RMDN3: variants seen among roughly 807,000 people sequenced by gnomAD.
RMDN3 encodes the protein regulator of microtubule dynamics protein 3.
RMDN3 carries 41 observed loss-of-function variants against 61.8 expected under a neutral mutation model. That is an observed-to-expected ratio of 0.66 (90% CI 0.52 to 0.86). The LOEUF (loss-of-function observed/expected upper bound fraction) is 0.86, where lower values mean the gene tolerates loss of function less well. Among genes scored for constraint, RMDN3 ranks in the 40% least tolerant of loss-of-function variants. The probability of loss-of-function intolerance (pLI) is 0.00; values close to 1 mark genes in which losing one functional copy is unlikely to be tolerated. For synonymous variants in RMDN3, 247 were observed against 232.0 expected (o/e 1.06, Z -0.59); for missense variants, 557 against 585.3 (o/e 0.95, Z 0.50).
At chr15:40,745,838 G>A (rs1479214930) in intron 4 of RMDN3, among the ~76,000 whole-genome samples, 1 of 152,168 alleles carries the variant, frequency 6.6e-6, no homozygotes, top group Non-Finnish European at 1.5e-5. Context: ...CAACATGGGT[G>A]GGTGCAGCCT....
Position 40,736,334 on chromosome 15 carries a change from G to A in RMDN3, c.*207C>T. On this transcript the variant is annotated 3_prime_UTR_variant, in exon 13 of 13. Coordinates refer to ENST00000338376, the MANE Select transcript of RMDN3 (RefSeq NM_018145.3). ...AGATTACTCAAGGGAGAGAACAACA[G>A]AAACGGAAGCCATGAGTACTGCCCC... 1.9e-6 allele frequency: 1 copy of A among 524,180 alleles called. No individual in the cohort carries two copies. Among genetic ancestry groups the A allele is most frequent in the Non-Finnish European group, 3.4e-6 (1 of 296,790 alleles). The allele number at this position is 524,180 out of a possible 1,614,324, so 32.5% of individuals were successfully genotyped here. A position where few individuals can be genotyped will look rare whatever the true frequency, so the allele number is the denominator to read the frequency against.
intron 4 of RMDN3, among the ~76,000 whole-genome samples, chr15:40,750,983 G>A (rs1037084107): frequency 6.6e-6 from 1 of 152,204 alleles, no homozygotes; most frequent in Non-Finnish European, 1.5e-5. Flanking sequence ...GGGCCACTGA[G>A]AACTCAGGAC....
At chr15:40,754,974 C>T in intron 1 of RMDN3, 109 bp downstream of exon 1, 2 of 571,562 alleles carry the variant, frequency 3.5e-6, no homozygotes, top group South Asian at 2.2e-5. Flanking sequence ...TTCCTCCAGC[C>T]TCCTGGGCCC....
intron 4 of RMDN3, among the ~76,000 whole-genome samples, chr15:40,745,527 C>T (rs1016305966): frequency 9.9e-5 from 15 of 151,594 alleles, no homozygotes; most frequent in Non-Finnish European, 2.2e-4. Flanking sequence ...ATTCTCCCAC[C>T]TAATTTTTTT....
At chr15:40,754,489 C>G (rs1487614592) in intron 2 of RMDN3, 108 bp downstream of exon 2, 6 of 1,181,312 alleles carry the variant, frequency 5.1e-6, no homozygotes, top group Admixed American at 3.0e-5. Flanking sequence ...AAGTGAAACC[C>G]TAAAGCACTT....
In RMDN3 at chr15:40,744,983, CTTG is replaced by C. The variant is rs750919062; in HGVS notation, c.798_800del (p.Asn266del). ...CAGGCAGCTGGAGCCTCACCACCAG[CTTG>C]TTGTTGAGCAGCAGCTGGAAGCCCT... On this transcript the variant is annotated inframe_deletion, in exon 5 of 13. Transcript: ENST00000338376. 2.8e-5 allele frequency: 45 copies of C among 1,600,206 alleles called. No individual in the cohort carries two copies. The highest frequency in any genetic ancestry group is 3.4e-5 in the Admixed American group (2 of 58,884).
intron 6 of RMDN3, among the ~76,000 whole-genome samples, chr15:40,742,604 A>G (rs1897326043): frequency 6.6e-6 from 1 of 152,198 alleles, no homozygotes; most frequent in East Asian, 1.9e-4. Context: ...AGTAAGGATA[A>G]TTCTTAAAGG....
intron 4 of RMDN3, among the ~76,000 whole-genome samples, chr15:40,751,117 A>G (rs902323107): frequency 3.3e-5 from 5 of 152,246 alleles, no homozygotes; most frequent in Admixed American, 1.3e-4. Context: ...TCAGCCACCC[A>G]AGGAAAGGAA....
At chr15:40,741,161 T>C (rs562422656) in intron 6 of RMDN3, among the ~76,000 whole-genome samples, 1 of 152,038 alleles carries the variant, frequency 6.6e-6, no homozygotes, top group Admixed American at 6.5e-5. Context: ...TCCATGAATC[T>C]CAAGTTGTAT....
intron 12 of RMDN3, 126 bp from the exon 13 acceptor site, chr15:40,736,720 CCCAGGATAGCCTGGAGCCTA>C: frequency 1.3e-6 from 1 of 774,608 alleles, no homozygotes; most frequent in East Asian, 2.6e-5. Flanking sequence ...TTCCTACTTC[CCCAGGATAGCCTGGAGCCTA>C]TTAAATCTGT....
chr15:40,745,608 C>T (rs958235388), intron 4 of RMDN3, among the ~76,000 whole-genome samples: 2 of 152,024 alleles, frequency 1.3e-5, no homozygotes, highest in East Asian at 1.9e-4. Flanking sequence ...TCAAGTGATC[C>T]GCCCACCTCG....
chr15:40,742,696 A>C (rs1897329428), intron 6 of RMDN3, among the ~76,000 whole-genome samples: 1 of 152,206 alleles, frequency 6.6e-6, no homozygotes, highest in Non-Finnish European at 1.5e-5. Context: ...ATGGGTGCTA[A>C]GCTCAGGAGG....
intron 4 of RMDN3, among the ~76,000 whole-genome samples, chr15:40,748,339 C>A (rs763913959): frequency 6.6e-6 from 1 of 152,222 alleles, no homozygotes; most frequent in Non-Finnish European, 1.5e-5. Flanking sequence ...TCATTCACCA[C>A]GGCCACTGCC....
rs553262858 is a variant in RMDN3 at position 40,741,620 on chromosome 15, A to ATTTTTTTT, written c.911-1435_911-1428dup. Among the ~76,000 whole-genome samples the ATTTTTTTT allele has an allele frequency of 1.3e-3, 90 of 71,724 alleles. 11 individuals carry two copies. The highest frequency in any genetic ancestry group is 3.7e-3 in the East Asian group (6 of 1,606). The allele number at this position is 71,724 out of a possible 152,430, so 47.1% of individuals were successfully genotyped here. Reference sequence around the variant, plus strand: ...ACTGGAGAAGACACTGCAACATAGGATTTTTTTTTTTTTTTTTTTTTTTTT... The same window carrying ATTTTTTTT: ...ACTGGAGAAGACACTGCAACATAGGATTTTTTTTTTTTTTTTTTTTTTTTTTTTTTTTT... On this transcript the variant is annotated intron_variant, in intron 6 of 12. Transcript: ENST00000338376.
At chr15:40,745,603 T>A (rs545796304) in intron 4 of RMDN3, among the ~76,000 whole-genome samples, 3 of 151,956 alleles carry the variant, frequency 2.0e-5, no homozygotes, top group Admixed American at 6.6e-5. Flanking sequence ...TGGCCTCAAG[T>A]GATCCGCCCA....
At chr15:40,745,779 G>A (rs139053721) in intron 4 of RMDN3, among the ~76,000 whole-genome samples, 189 of 152,282 alleles carry the variant, frequency 1.2e-3, no homozygotes, top group Non-Finnish European at 2.2e-3. Context: ...GCAAATGTGA[G>A]AAGTCCCTGC....
rs781216400 is a variant in RMDN3, at chr15:40,740,173, C to T, written c.931G>A (p.Ala311Thr). The change falls in exon 7 of 13, where the codon GCT becomes ACT. Residue 311 changes from alanine (A) to threonine (T), a missense_variant. Transcript: ENST00000338376. ...ALDGKEEAEAALEKGDESADC... is the reference protein window; with the variant it reads ...ALDGKEEAEATLEKGDESADC... ...GCACTCTCATCCCCCTTCTCCAGAG[C>T]AGCCTCTGCTTCTTCTTTTCCTGTA... The T allele has an allele frequency of 1.2e-6, 2 of 1,611,822 alleles. No individual in the cohort carries two copies. Among genetic ancestry groups the T allele is most frequent in the Non-Finnish European group, 1.7e-6 (2 of 1,178,456 alleles).
In RMDN3 at chr15:40,751,412, G is replaced by A. The variant is rs778648420; in HGVS notation, c.524+14C>T. On this transcript the variant is annotated intron_variant, in intron 4 of 12. Transcript: ENST00000338376. ...TGGCTGTAGCCATAACTGCCTCCAA[G>A]AGAGACAACTCACCCCCCTTCACTC... The A allele has an allele frequency of 1.3e-5, 21 of 1,612,916 alleles. No individual in the cohort carries two copies. The highest frequency in any genetic ancestry group is 3.3e-4 in the Middle Eastern group (2 of 6,080).
At chr15:40,738,672 C>G (rs1897163155) in intron 7 of RMDN3, 96 bp from the exon 8 acceptor site, 5 of 1,144,696 alleles carry the variant, frequency 4.4e-6, no homozygotes, top group Non-Finnish European at 6.6e-6. Context: ...TGTCCCCTAT[C>G]CCTGTACCCT....
Sources: allele counts gnomAD v4.1 joint callset (sites outside exome capture counted in the v4.1 genomes callset), GRCh38; gene constraint gnomAD v4.1.1; transcripts MANE v1.5; gene names NCBI Gene and HGNC (gene_info 2026-07-23, HGNC 2026-07-21).